Variants in SELENOF observed in about 807,000 individuals in gnomAD.
The protein encoded by SELENOF is 15 kDa selenoprotein.
Under a neutral mutation model 20.5 loss-of-function variants are expected in SELENOF, and 16 were observed. That is an observed-to-expected ratio of 0.78 (90% CI 0.53 to 1.19). The LOEUF (loss-of-function observed/expected upper bound fraction) is 1.19, where lower values mean the gene tolerates loss of function less well. Among genes scored for constraint, SELENOF ranks in the 50% most tolerant of loss-of-function variants. SELENOF has a pLI of 0.00. For missense variants in SELENOF, 215 were observed against 194.2 expected, an observed-to-expected ratio of 1.11 and a Z score of -0.64; for synonymous variants, 78 against 74.5, an observed-to-expected ratio of 1.05 and a Z score of -0.24.
intron 1 of SELENOF, among the ~76,000 whole-genome samples, chr1:86,907,630 G>C (rs1027796544): frequency 1.3e-5 from 2 of 152,118 alleles, no homozygotes; most frequent in Non-Finnish European, 2.9e-5. Flanking sequence ...AGATTCTAAG[G>C]ACAGGGTTCC....
chr1:86,864,732 G>A (rs1366783809), intron 4 of SELENOF, among the ~76,000 whole-genome samples: 1 of 151,724 alleles, frequency 6.6e-6, no homozygotes, highest in Non-Finnish European at 1.5e-5. Flanking sequence ...TGCCTCCTGG[G>A]TTCAAGCAAT....
intron 2 of SELENOF, chr1:86,887,084 T>G: frequency 1.4e-6 from 2 of 1,435,208 alleles, no homozygotes; most frequent in Non-Finnish European, 1.8e-6. Flanking sequence ...AGTGATCTAC[T>G]GGTGTTTTAA....
chr1:86,914,295 T>C (rs1570415487), upstream of SELENOF: 5 of 612,668 alleles, frequency 8.2e-6, no homozygotes, highest in South Asian at 7.7e-5. Flanking sequence ...TGCTTTCGAT[T>C]ACCCAAATCA....
At chr1:86,906,590 T>C (rs116813858) in intron 1 of SELENOF, among the ~76,000 whole-genome samples, 1,550 of 152,278 alleles carry the variant, frequency 0.01, 31 homozygotes, top group African/African-American at 0.036. Flanking sequence ...AACATCAACT[T>C]TGGAACTTAG....
chr1:86,891,358 A>AT (rs1034444781), intron 2 of SELENOF, among the ~76,000 whole-genome samples: 1 of 151,944 alleles, frequency 6.6e-6, no homozygotes, highest in African/African-American at 2.4e-5. Context: ...TTCCATGCCT[A>AT]TTTTTTCTAC....
chr1:86,866,367 T>C (rs1346495154), intron 4 of SELENOF, among the ~76,000 whole-genome samples: 1 of 150,724 alleles, frequency 6.6e-6, no homozygotes, highest in Non-Finnish European at 1.5e-5. Flanking sequence ...ACAAATACTA[T>C]ATGATTCCAC....
chr1:86,898,699 A>G (rs1659590657), intron 2 of SELENOF, among the ~76,000 whole-genome samples: 1 of 150,710 alleles, frequency 6.6e-6, no homozygotes, highest in Non-Finnish European at 1.5e-5. Flanking sequence ...CTCCTGCCTC[A>G]GCCTCCCAAG....
Position 86,880,702 on chromosome 1 carries a change from T to G in SELENOF, c.276A>C (p.Glu92Asp). Reference sequence around the variant, plus strand: ...ACCTTCCCAATTTTCATCCACAAACTTCAAGAATAGCTCCTGCATACAGCT... The same window carrying G: ...ACCTTCCCAATTTTCATCCACAAACGTCAAGAATAGCTCCTGCATACAGCT... The part of the protein sequence containing the change: ...TKKLYAGAIL[E>D]VCGUKLGRFP... Residue 92 changes from glutamate to aspartate, a missense_variant, in exon 3 of 5, where the codon GAA (glutamate) becomes GAC (aspartate). Physicochemically the swap from Glu to Asp is conservative, Grantham distance 45. Coordinates refer to ENST00000331835, the MANE Select transcript of SELENOF (RefSeq NM_004261.5). 5.6e-6 allele frequency: 9 copies of G among 1,595,410 alleles called. No homozygotes were observed. Among genetic ancestry groups the G allele is most frequent in the Non-Finnish European group, 7.7e-6 (9 of 1,170,046 alleles).
At chr1:86,891,762 G>A (rs1195409535) in intron 2 of SELENOF, among the ~76,000 whole-genome samples, 1 of 151,912 alleles carries the variant, frequency 6.6e-6, no homozygotes, top group Non-Finnish European at 1.5e-5. Context: ...ATGATCTTAG[G>A]TAAGATCTCT....
intron 2 of SELENOF, among the ~76,000 whole-genome samples, chr1:86,901,994 G>GGATGT (rs1246785291): frequency 6.6e-6 from 1 of 152,112 alleles, no homozygotes; most frequent in Non-Finnish European, 1.5e-5. Context: ...TGGTTGAGTA[G>GGATGT]TAGTACAGCC....
intron 2 of SELENOF, among the ~76,000 whole-genome samples, chr1:86,899,208 A>G (rs1021316491): frequency 6.6e-6 from 1 of 151,506 alleles, no homozygotes; most frequent in African/African-American, 2.4e-5. Context: ...CACGGCAACC[A>G]TCCGATTTCT....
chr1:86,872,108 T>C (rs1658786198), intron 3 of SELENOF, among the ~76,000 whole-genome samples: 1 of 152,242 alleles, frequency 6.6e-6, no homozygotes, highest in South Asian at 2.1e-4. Context: ...TGAATAATTT[T>C]ACAAAAGAAA....
chr1:86,913,912 C>G (rs758183750), intron 1 of SELENOF, 116 bp downstream of exon 1: 2 of 946,546 alleles, frequency 2.1e-6, no homozygotes, highest in Non-Finnish European at 3.4e-6. Context: ...CCGCAGCAGT[C>G]ATTAAGGAAG....
At chr1:86,875,055 G>A (rs1455876108) in intron 3 of SELENOF, among the ~76,000 whole-genome samples, 1 of 152,290 alleles carries the variant, frequency 6.6e-6, no homozygotes, top group Admixed American at 6.5e-5. Context: ...CCAACATGGT[G>A]AAACTCCATC....
rs1371323972 is a variant in SELENOF at position 86,887,107 on chromosome 1, T to C, written c.253-6382A>G. 4.7e-6 allele frequency: 7 copies of C among 1,473,804 alleles called. No individual in the cohort carries two copies. In the African/African-American group the frequency reaches 5.8e-5, roughly 12 times the overall value. 91.3% of individuals were successfully genotyped at this position (1,473,804 alleles called of 1,614,324 possible). On this transcript the variant is annotated intron_variant, in intron 2 of 4. Coordinates refer to ENST00000331835, the MANE Select transcript of SELENOF (RefSeq NM_004261.5). ...ACTGGTGTTTTAAATTTGCTGTTCA[T>C]CTTCAAGTCTTCCCCATACTTTCTG...
At chr1:86,882,547 C>T (rs563014966) in intron 2 of SELENOF, among the ~76,000 whole-genome samples, 12 of 150,184 alleles carry the variant, frequency 8.0e-5, no homozygotes, top group South Asian at 4.2e-4. Context: ...CCCTTGTACA[C>T]TGCTGTTGGG....
chr1:86,903,093 A>G (rs543814307), intron 2 of SELENOF, among the ~76,000 whole-genome samples, 188 bp downstream of exon 2: 17 of 152,350 alleles, frequency 1.1e-4, no homozygotes, highest in Non-Finnish European at 2.2e-4. Context: ...GGATCCTGGT[A>G]TGCAACCATA....
chr1:86,863,808 CTCAT>C (rs35815295), intron 4 of SELENOF, among the ~76,000 whole-genome samples: 38,967 of 151,522 alleles, frequency 0.26, 6,141 homozygotes, highest in African/African-American at 0.44. Context: ...AAAAAAATCA[CTCAT>C]TCATTCATTC....
At chr1:86,884,239 C>T (rs1369508049) in intron 2 of SELENOF, among the ~76,000 whole-genome samples, 1 of 151,882 alleles carries the variant, frequency 6.6e-6, no homozygotes, top group African/African-American at 2.4e-5. Flanking sequence ...AGAGTAGTTC[C>T]AGTCCAGGGT....
Sources: gnomAD v4.1 joint callset for allele counts (sites outside exome capture counted in the v4.1 genomes callset) on GRCh38, gnomAD v4.1.1 for gene constraint, MANE v1.5 for transcripts, NCBI Gene and HGNC (gene_info 2026-07-23, HGNC 2026-07-21) for gene names.